The following C19orf44 variants were observed in gnomAD, a reference collection of about 807,000 sequenced individuals.
The protein encoded by C19orf44 is chromosome 19 open reading frame 44.
C19orf44 carries 43 observed loss-of-function variants against 50.7 expected under a neutral mutation model. The ratio of observed to expected loss-of-function variants is 0.85; its 90% CI spans 0.66 to 1.09. The LOEUF (loss-of-function observed/expected upper bound fraction) is 1.09, where lower values mean the gene tolerates loss of function less well. C19orf44 is among the 50% of genes least tolerant of loss of function. The pLI is 0.00. For missense variants in C19orf44, 722 were observed against 836.2 expected, an observed-to-expected ratio of 0.86 and a Z score of 1.68; for synonymous variants, 298 against 334.7, an observed-to-expected ratio of 0.89 and a Z score of 1.20.
rs370924765 is a variant in C19orf44, at chr19:16,513,057, C to T, written c.1683C>T (p.Tyr561=). ...AAMGPALGGA[Y]VDPTPIANHV... is the part of the protein sequence containing the mutation. ...TGGGGCCTGCCCTGGGAGGCGCCTA[C>T]GTGGACCCGACACCCATCGCCAATC... The change falls in exon 6 of 9, where the codon TAC becomes TAT. Residue 561 remains tyrosine (Y), a synonymous_variant. Coordinates refer to ENST00000221671, the MANE Select transcript of C19orf44 (RefSeq NM_032207.4). 2.7e-5 allele frequency: 44 copies of T among 1,613,630 alleles called. No individual in the cohort carries two copies. Among genetic ancestry groups the T allele is most frequent in the East Asian group, 6.7e-5 (3 of 44,886 alleles).
At position 16,503,231 on chromosome 19, in the gene C19orf44, C is replaced by T; in HGVS notation, c.926C>T (p.Ser309Phe). 1 of 1,614,156 alleles carries T rather than the reference C, an allele frequency of 6.2e-7. No individual in the cohort carries two copies. Among genetic ancestry groups the T allele is most frequent in the South Asian group, 1.1e-5 (1 of 91,086 alleles). Residue 309 changes from serine (S) to phenylalanine (F), a missense_variant, in exon 3 of 9, where the codon TCC becomes TTC. Transcript: ENST00000221671. ...AGTCACGTTTCCAGTGACACCGCCTCCCACACGCCGTCAGTTTCCATCACA... is the reference window on the plus strand; with the variant it reads ...AGTCACGTTTCCAGTGACACCGCCTTCCACACGCCGTCAGTTTCCATCACA... Reference protein sequence around the residue: ...PQSHVSSDTASHTPSVSITGA... With the variant: ...PQSHVSSDTAFHTPSVSITGA...
rs2093423468 is a variant in C19orf44 at position 16,500,989 on chromosome 19, A to G, written c.197A>G (p.Glu66Gly). 6.2e-7 allele frequency: 1 copy of G among 1,613,718 alleles called. No individual in the cohort carries two copies. The highest frequency in any genetic ancestry group is 2.2e-5 in the East Asian group (1 of 44,884). Reference sequence around the variant, plus strand: ...GATGAGAAACACTTACTCCTGAAAGAGAACCCTGTGCTCGGGAGTGGACCC... The same window carrying G: ...GATGAGAAACACTTACTCCTGAAAGGGAACCCTGTGCTCGGGAGTGGACCC... ...TLDEKHLLLK[E>G]NPVLGSGPRL... The change falls in exon 2 of 9, where the codon GAG (glutamate) becomes GGG (glycine). Residue 66 changes from glutamate (E) to glycine (G), a missense_variant. Transcript: ENST00000221671.
Position 16,519,726 on chromosome 19 carries a change from G to A in C19orf44, c.*41-368G>A. The A allele has an allele frequency of 6.2e-7, 1 of 1,604,270 alleles. No individual in the cohort carries two copies. On this transcript the variant is annotated intron_variant, in intron 8 of 8. Coordinates refer to ENST00000221671, the MANE Select transcript of C19orf44 (RefSeq NM_032207.4). The surrounding 1 kb of genome is among the most constrained non-coding windows in gnomAD (Gnocchi z 6.0). ...AGACCAGCAGAGGAACTAAAATCGA[G>A]ACAGGTTATTCTTTTTAAGAAGTAA... is the stretch of plus-strand genomic sequence containing the variant.
In C19orf44 at chr19:16,513,078, C is replaced by T. The variant is rs779654846; in HGVS notation, c.1704C>T (p.Ala568=). The T allele has an allele frequency of 1.2e-6, 2 of 1,613,986 alleles. No individual in the cohort carries two copies. Among genetic ancestry groups the T allele is most frequent in the Middle Eastern group, 1.6e-4 (1 of 6,062 alleles). The change falls in exon 6 of 9, where the codon GCC becomes GCT. Residue 568 remains alanine, a synonymous_variant. Coordinates refer to ENST00000221671, the MANE Select transcript of C19orf44 (RefSeq NM_032207.4). Reference sequence around the variant, plus strand: ...CCTACGTGGACCCGACACCCATCGCCAATCATGTTATCAGTGCAGATGCAA... The same window carrying T: ...CCTACGTGGACCCGACACCCATCGCTAATCATGTTATCAGTGCAGATGCAA... The part of the protein sequence containing the change: ...GGAYVDPTPI[A]NHVISADAIE...
At position 16,503,262 on chromosome 19, in the gene C19orf44, C is replaced by A; in HGVS notation, c.957C>A (p.Ala319=). The change falls in exon 3 of 9, where the codon GCC becomes GCA. Residue 319 remains alanine (A), a synonymous_variant. Coordinates refer to ENST00000221671, the MANE Select transcript of C19orf44 (RefSeq NM_032207.4). ...CGCCGTCAGTTTCCATCACAGGCGC[C>A]TTTTCAAACTCAGTGTCTTTAAAGA... ...SHTPSVSITG[A]FSNSVSLKMG... 1 of 1,614,150 alleles carries A rather than the reference C, an allele frequency of 6.2e-7. No homozygotes were observed. The highest frequency in any genetic ancestry group is 8.5e-7 in the Non-Finnish European group (1 of 1,180,050).
Position 16,520,897 on chromosome 19 carries a change from C to G in C19orf44, c.*844C>G. ...CTCGGAAGAACTCATAGAGGCCGTT[C>G]TGCTCCCAGCCTTCACTGTAAGACA... On this transcript the variant is annotated 3_prime_UTR_variant, in exon 9 of 9. Transcript: ENST00000221671. This position sits in a 1 kb window ranked among gnomAD's most constrained non-coding sequence, Gnocchi z 4.0. 6.2e-7 allele frequency: 1 copy of G among 1,613,858 alleles called. No individual in the cohort carries two copies. The highest frequency in any genetic ancestry group is 8.5e-7 in the Non-Finnish European group (1 of 1,180,024).
chr19:16,502,800 G>C (rs2093429372), intron 2 of C19orf44, among the ~76,000 whole-genome samples: 1 of 150,460 alleles, frequency 6.6e-6, no homozygotes, highest in East Asian at 2.0e-4. Flanking sequence ...GCCAGTCTGG[G>C]CAACATGGCA....
intron 7 of C19orf44, among the ~76,000 whole-genome samples, 156 bp from the exon 8 acceptor site, chr19:16,517,074 C>T (rs541431762): frequency 1.3e-5 from 2 of 152,336 alleles, no homozygotes; most frequent in South Asian, 2.1e-4. Context: ...CAGCCCCGTG[C>T]GCCAACCTGT....
intron 5 of C19orf44, 190 bp downstream of exon 5, chr19:16,510,178 G>A (rs1271885025): frequency 1.3e-5 from 10 of 755,378 alleles, no homozygotes; most frequent in Non-Finnish European, 2.1e-5. Flanking sequence ...AGGCCGAGGC[G>A]GGAGGATCAC....
At chr19:16,498,690 A>C (rs1320597660) in intron 1 of C19orf44, among the ~76,000 whole-genome samples, 4 of 148,114 alleles carry the variant, frequency 2.7e-5, no homozygotes, top group Non-Finnish European at 6.0e-5. Context: ...TTTTTTTTTG[A>C]GACGGAGTCT....
chr19:16,520,783 T>C lies in C19orf44; in HGVS notation c.*730T>C, dbSNP rs937081013. On this transcript the variant is annotated 3_prime_UTR_variant, in exon 9 of 9. Coordinates refer to ENST00000221671, the MANE Select transcript of C19orf44 (RefSeq NM_032207.4). The surrounding 1 kb of genome is among the most constrained non-coding windows in gnomAD (Gnocchi z 4.0). ...GTCTGCTCCCACCCATCACAAGCTG[T>C]GGACCCTGGCCCCCCGGCCACTGCA... The C allele has an allele frequency of 1.9e-6, 3 of 1,578,106 alleles. No homozygotes were observed. Among genetic ancestry groups the C allele is most frequent in the Non-Finnish European group, 2.6e-6 (3 of 1,149,450 alleles).
chr19:16,497,292 T>C (rs140990601), intron 1 of C19orf44, among the ~76,000 whole-genome samples: 37 of 151,748 alleles, frequency 2.4e-4, no homozygotes, highest in African/African-American at 8.0e-4. Flanking sequence ...TTGACAGTTC[T>C]TACAAATGAA....
At chr19:16,517,405 A>C (rs1053425533) in intron 8 of C19orf44, 64 bp downstream of exon 8, 4 of 1,202,460 alleles carry the variant, frequency 3.3e-6, no homozygotes, top group Non-Finnish European at 4.8e-6. Context: ...TCAGTGTCCA[A>C]GTGTGACGTT....
In C19orf44 at chr19:16,519,389, G is replaced by A. The variant is rs377260502; in HGVS notation, c.*41-705G>A. On this transcript the variant is annotated intron_variant, in intron 8 of 8. Transcript: ENST00000221671. This position sits in a 1 kb window ranked among gnomAD's most constrained non-coding sequence, Gnocchi z 6.0. The stretch of plus-strand genomic sequence containing the variant: ...GACGCAGTCACAACCACAACAAGGC[G>A]GAGGCAGATGGGGGTGCACGTGGGG... 4.0e-5 allele frequency: 63 copies of A among 1,590,172 alleles called. No homozygotes were observed. The South Asian group carries it at 4.0e-4, about 10-fold the overall frequency.
chr19:16,506,660 G>A, intron 3 of C19orf44, 41 bp from the exon 4 acceptor site: 1 of 1,281,642 alleles, frequency 7.8e-7, no homozygotes, highest in Non-Finnish European at 1.1e-6. Flanking sequence ...GAGTAAATAA[G>A]AGAGTAAATG....
intron 1 of C19orf44, among the ~76,000 whole-genome samples, chr19:16,500,581 GATC>G (rs1308638507): frequency 3.9e-5 from 6 of 151,956 alleles, no homozygotes; most frequent in African/African-American, 1.4e-4. Flanking sequence ...TTGACATCGT[GATC>G]CACCTGCCTC....
At chr19:16,515,888 C>G (rs1165371912) in intron 7 of C19orf44, among the ~76,000 whole-genome samples, 1 of 152,084 alleles carries the variant, frequency 6.6e-6, no homozygotes, top group Non-Finnish European at 1.5e-5. Flanking sequence ...CCTCCGCCTC[C>G]TGGGTTCAAG....
intron 1 of C19orf44, among the ~76,000 whole-genome samples, chr19:16,499,309 C>T (rs1273510300): frequency 6.6e-6 from 1 of 150,728 alleles, no homozygotes; most frequent in Non-Finnish European, 1.5e-5. Context: ...TTTTTTGAGA[C>T]GGAGTTTTAC....
intron 3 of C19orf44, among the ~76,000 whole-genome samples, chr19:16,505,167 C>CCAAAGTG (rs901202236): frequency 2.6e-5 from 4 of 151,668 alleles, no homozygotes; most frequent in Non-Finnish European, 5.9e-5. Context: ...CCTCAGCCTC[C>CCAAAGTG]CAAAGTGCTG....
Sources: gnomAD v4.1 joint callset for allele counts (sites outside exome capture counted in the v4.1 genomes callset) on GRCh38, gnomAD v4.1.1 for gene constraint, Gnocchi (gnomAD v3.1) non-coding constraint, MANE v1.5 for transcripts, NCBI Gene and HGNC (gene_info 2026-07-23, HGNC 2026-07-21) for gene names.